The following ANKRD30B variants were observed in gnomAD, a reference collection of about 807,000 sequenced individuals.
The protein encoded by ANKRD30B is ankyrin repeat domain-containing protein 30B.
A neutral mutation model predicts 202.2 loss-of-function variants in ANKRD30B; 144 were observed. The ratio of observed to expected loss-of-function variants is 0.71; its 90% CI spans 0.62 to 0.82. The LOEUF (loss-of-function observed/expected upper bound fraction) is 0.82. Ranked by LOEUF, ANKRD30B falls within the 40% of genes least tolerant of loss-of-function variation. The pLI is 0.00. For missense variants in ANKRD30B, 1,487 were observed against 1,669.1 expected, an observed-to-expected ratio of 0.89 and a Z score of 1.90; for synonymous variants, 508 against 561.3, an observed-to-expected ratio of 0.91 and a Z score of 1.34.
At chr18:14,863,085 TTTGAG>T in the ANKRD30B span, among the ~76,000 whole-genome samples, 2 of 152,142 alleles carry the variant, frequency 1.3e-5, no homozygotes, top group Admixed American at 1.3e-4. Context: ...ATTTCGGACT[TTTGAG>T]TTGATGCTGA....
rs564375952 is a variant in ANKRD30B, at chr18:14,787,102, T to C, written c.1734+2T>C. On this transcript the variant is annotated splice_donor_variant, in intron 15 of 43. Coordinates refer to ENST00000690538, the MANE Select transcript of ANKRD30B (RefSeq NM_001367607.2). LOFTEE classifies it high-confidence loss of function. The stretch of plus-strand genomic sequence containing the variant: ...GAAGAAAATTCTTGGGATTCTGAGG[T>C]ACTATGTGTTATTGATTTTTTTAAA... The C allele has an allele frequency of 1.2e-6, 2 of 1,605,102 alleles. No individual in the cohort carries two copies. Among genetic ancestry groups the C allele is most frequent in the African/African-American group, 2.7e-5 (2 of 74,684 alleles).
In ANKRD30B at chr18:14,791,423, A is replaced by C. The variant is rs1173610122; in HGVS notation, c.1757A>C (p.Gln586Pro). The C allele has an allele frequency of 6.2e-7, 1 of 1,608,914 alleles. No homozygotes were observed. Among genetic ancestry groups the C allele is most frequent in the African/African-American group, 1.3e-5 (1 of 74,714 alleles). ...DSESPCETVSQKDVYLPKATH... is the reference protein window; with the variant it reads ...DSESPCETVSPKDVYLPKATH... The stretch of plus-strand genomic sequence containing the variant: ...CAGAGTCCCTGTGAGACGGTTTCAC[A>C]GAAGGATGTGTATTTACCCAAAGCT... Residue 586 changes from glutamine to proline, a missense_variant, in exon 16 of 44, where the codon CAG becomes CCG. This residue lies in a region of ANKRD30B where 889 missense variants were observed against 841.4 expected (regional missense o/e 1.06). Transcript: ENST00000690538.
chr18:14,869,835 C>T, the ANKRD30B span, among the ~76,000 whole-genome samples: 8 of 151,920 alleles, frequency 5.3e-5, no homozygotes, highest in Non-Finnish European at 1.0e-4. Context: ...ATAGCTTTCC[C>T]ATCTTATTTA....
At chr18:14,773,729 C>A (rs1442226992) in intron 9 of ANKRD30B, among the ~76,000 whole-genome samples, 1 of 146,908 alleles carries the variant, frequency 6.8e-6, no homozygotes, top group Admixed American at 6.8e-5. Flanking sequence ...GATCTCGGCT[C>A]ACTGCATCCT....
chr18:14,888,596 A>C, the ANKRD30B span: 2 of 374,050 alleles, frequency 5.3e-6, no homozygotes, highest in Non-Finnish European at 9.6e-6. Context: ...GTAGTTTTCC[A>C]GCCTTTCTTG....
At chr18:14,935,734 T>C in the ANKRD30B span, among the ~76,000 whole-genome samples, 1 of 152,232 alleles carries the variant, frequency 6.6e-6, no homozygotes, top group Non-Finnish European at 1.5e-5. Flanking sequence ...TGCACACGTG[T>C]ATGTGTGCAT....
chr18:14,865,983 C>A, the ANKRD30B span, among the ~76,000 whole-genome samples: 1 of 152,122 alleles, frequency 6.6e-6, no homozygotes, highest in African/African-American at 2.4e-5. Context: ...TAAGAGAAAG[C>A]CCGGAGGCCT....
the ANKRD30B span, among the ~76,000 whole-genome samples, chr18:14,891,170 G>A: frequency 2.6e-5 from 4 of 152,060 alleles, no homozygotes; most frequent in African/African-American, 4.8e-5. Context: ...TGTGTGATTG[G>A]GCCTTCAGAA....
chr18:14,763,747 G>T lies in ANKRD30B; in HGVS notation c.882G>T (p.Thr294=), dbSNP rs750069657. 1 of 1,614,020 alleles carries T rather than the reference G, an allele frequency of 6.2e-7. No individual in the cohort carries two copies. Among genetic ancestry groups the T allele is most frequent in the Admixed American group, 1.7e-5 (1 of 59,996 alleles). ...CCTTGGCGGAAAGAACACCTGACAC[G>T]GCTGAAAGCTTGCTGGAAAAAACAC... ...AAPLAERTPD[T]AESLLEKTPD... is the part of the protein sequence containing the mutation. The change falls in exon 7 of 44, where the codon ACG becomes ACT. Residue 294 remains threonine, a synonymous_variant. Coordinates refer to ENST00000690538, the MANE Select transcript of ANKRD30B (RefSeq NM_001367607.2).
intron 33 of ANKRD30B, among the ~76,000 whole-genome samples, chr18:14,828,622 T>C (rs1301892459): frequency 6.6e-6 from 1 of 152,178 alleles, no homozygotes; most frequent in Non-Finnish European, 1.5e-5. Context: ...TTGGCATAGA[T>C]TGATGGAGAC....
At chr18:14,908,214 G>C in the ANKRD30B span, among the ~76,000 whole-genome samples, 137 of 152,198 alleles carry the variant, frequency 9.0e-4, 3 homozygotes, top group East Asian at 0.016. Context: ...ATAGTAAATG[G>C]ATCTTTAAGA....
At chr18:14,762,332 A>C (rs1316247102) in intron 6 of ANKRD30B, among the ~76,000 whole-genome samples, 2 of 152,212 alleles carry the variant, frequency 1.3e-5, no homozygotes, top group Non-Finnish European at 2.9e-5. Flanking sequence ...TTGGAATTTA[A>C]TAATACTTTT....
At position 14,854,654 on chromosome 18, in the gene ANKRD30B, T is replaced by A. The variant is rs1400291192; in HGVS notation, c.*496T>A. 2.6e-5 allele frequency among the ~76,000 whole-genome samples: 4 copies of A among 152,192 alleles called. No homozygotes were observed. The highest frequency in any genetic ancestry group is 9.6e-5 in the African/African-American group (4 of 41,452). On this transcript the variant is annotated 3_prime_UTR_variant, in exon 44 of 44. Transcript: ENST00000690538. Reference sequence around the variant, plus strand: ...CTAGACAGACAGGAACACTTTTTTATAATTATAAAAACACAAATTTCCTTG... The same window carrying A: ...CTAGACAGACAGGAACACTTTTTTAAAATTATAAAAACACAAATTTCCTTG...
chr18:14,907,878 C>T, the ANKRD30B span, among the ~76,000 whole-genome samples: 2 of 151,584 alleles, frequency 1.3e-5, no homozygotes, highest in Non-Finnish European at 2.9e-5. Flanking sequence ...TCTCTACACT[C>T]TGCACATGGG....
At chr18:14,767,758 T>C (rs1163540960) in intron 7 of ANKRD30B, among the ~76,000 whole-genome samples, 2 of 152,190 alleles carry the variant, frequency 1.3e-5, no homozygotes, top group African/African-American at 4.8e-5. Context: ...CTGGGTGAGA[T>C]GGAAAATGAT....
At chr18:14,928,333 A>T in the ANKRD30B span, among the ~76,000 whole-genome samples, 1 of 152,170 alleles carries the variant, frequency 6.6e-6, no homozygotes, top group Non-Finnish European at 1.5e-5. Context: ...ATATTTAGTT[A>T]AACATATTTC....
chr18:14,923,943 C>A, the ANKRD30B span, among the ~76,000 whole-genome samples: 1 of 152,114 alleles, frequency 6.6e-6, no homozygotes, highest in Non-Finnish European at 1.5e-5. Flanking sequence ...TGCTGGGATA[C>A]CCCTTCCCAT....
Position 14,748,537 on chromosome 18 carries a change from G to C in ANKRD30B, c.118G>C (p.Gly40Arg), listed in dbSNP as rs879492844. ...DYGTIYFGDL[G>R]KIHTAASRGQ... Reference sequence around the variant, plus strand: ...CGGGACCATCTACTTCGGGGATCTAGGGAAGATCCATACAGCTGCCTCCCG... The same window carrying C: ...CGGGACCATCTACTTCGGGGATCTACGGAAGATCCATACAGCTGCCTCCCG... The change falls in exon 1 of 44, where the codon GGG becomes CGG. Residue 40 changes from glycine (G) to arginine (R), a missense_variant. Gly to Arg is a moderately radical substitution (Grantham distance 125, BLOSUM62 -2). Transcript: ENST00000690538. 5.8e-6 allele frequency: 9 copies of C among 1,554,302 alleles called. No homozygotes were observed. Among genetic ancestry groups the C allele is most frequent in the Non-Finnish European group, 7.8e-6 (9 of 1,148,358 alleles).
the ANKRD30B span, among the ~76,000 whole-genome samples, chr18:14,929,473 A>G: frequency 6.6e-6 from 1 of 152,216 alleles, no homozygotes; most frequent in East Asian, 1.9e-4. Context: ...CCTGGCCTAC[A>G]CGAGGCCCTT....
Sources: allele counts gnomAD v4.1 joint callset (sites outside exome capture counted in the v4.1 genomes callset), GRCh38; gene constraint gnomAD v4.1.1; regional missense constraint gnomAD v4.1.1; transcripts MANE v1.5; gene names NCBI Gene and HGNC (gene_info 2026-07-23, HGNC 2026-07-21).